Variants in CCDC192 observed in about 807,000 individuals in gnomAD.
The protein encoded by CCDC192 is coiled-coil domain-containing protein 192.
chr5:127,760,143 A>T (rs1754829734), intron 3 of CCDC192, among the ~76,000 whole-genome samples: 1 of 152,136 alleles, frequency 6.6e-6, no homozygotes, highest in Non-Finnish European at 1.5e-5. Flanking sequence ...AATAAAAATT[A>T]TAAATTTTAT....
chr5:127,709,118 A>AGAGG (rs1554067163), intron 2 of CCDC192, among the ~76,000 whole-genome samples: 9 of 126,002 alleles, frequency 7.1e-5, no homozygotes, highest in Non-Finnish European at 1.3e-4. Flanking sequence ...AGAGAGAGAG[A>AGAGG]GAGAGGGAGA....
intron 2 of CCDC192, among the ~76,000 whole-genome samples, chr5:127,735,870 G>T (rs942523406): frequency 3.6e-5 from 5 of 137,768 alleles, no homozygotes; most frequent in African/African-American, 1.5e-4. Context: ...CATGTCTTCT[G>T]CAAAGAGGGA....
At chr5:127,771,284 G>A (rs1349021823) in intron 3 of CCDC192, among the ~76,000 whole-genome samples, 1 of 152,180 alleles carries the variant, frequency 6.6e-6, no homozygotes, top group Non-Finnish European at 1.5e-5. Context: ...GACCTTGTTT[G>A]AGTTTGTGGA....
chr5:127,905,197 G>A (rs1207468683), intron 6 of CCDC192, among the ~76,000 whole-genome samples: 1 of 152,142 alleles, frequency 6.6e-6, no homozygotes, highest in Non-Finnish European at 1.5e-5. Flanking sequence ...CTATCCTGAT[G>A]AGTTAGAATA....
At chr5:127,865,957 T>C (rs1751591179) in intron 5 of CCDC192, among the ~76,000 whole-genome samples, 1 of 152,172 alleles carries the variant, frequency 6.6e-6, no homozygotes, top group South Asian at 2.1e-4. Flanking sequence ...CTGTCCCCTC[T>C]GAGCTTTTTT....
At chr5:127,812,670 G>C (rs547904293) in intron 5 of CCDC192, among the ~76,000 whole-genome samples, 18 of 152,308 alleles carry the variant, frequency 1.2e-4, no homozygotes, top group Non-Finnish European at 2.2e-4. Context: ...TGCACGAGGA[G>C]AGCATGTAGG....
chr5:127,728,397 T>C (rs1752454852), intron 2 of CCDC192, among the ~76,000 whole-genome samples: 3 of 152,192 alleles, frequency 2.0e-5, no homozygotes, highest in Admixed American at 6.5e-5. Flanking sequence ...ATATTCAACA[T>C]TCTAAAAGAA....
At chr5:127,842,871 G>A (rs1170796933) in intron 5 of CCDC192, among the ~76,000 whole-genome samples, 5 of 152,092 alleles carry the variant, frequency 3.3e-5, no homozygotes, top group Non-Finnish European at 5.9e-5. Context: ...TGGAAATAGA[G>A]ACTGTCACAA....
intron 3 of CCDC192, among the ~76,000 whole-genome samples, chr5:127,761,166 T>A (rs1430085898): frequency 6.6e-6 from 1 of 152,230 alleles, no homozygotes; most frequent in African/African-American, 2.4e-5. Context: ...AAGCCAGGTT[T>A]AGTTTCTTTG....
chr5:127,876,956 C>T (rs1752107774), intron 6 of CCDC192, among the ~76,000 whole-genome samples: 1 of 152,230 alleles, frequency 6.6e-6, no homozygotes, highest in Non-Finnish European at 1.5e-5. Flanking sequence ...CACCATGAAA[C>T]CTAAAAGAAT....
intron 3 of CCDC192, among the ~76,000 whole-genome samples, chr5:127,754,587 C>T (rs1490605347): frequency 6.6e-6 from 1 of 151,784 alleles, no homozygotes; most frequent in Non-Finnish European, 1.5e-5. Context: ...TTACTTTAGT[C>T]TGTATGGACC....
At chr5:127,768,217 A>G (rs1432857583) in intron 3 of CCDC192, among the ~76,000 whole-genome samples, 2 of 152,214 alleles carry the variant, frequency 1.3e-5, no homozygotes, top group African/African-American at 2.4e-5. Flanking sequence ...CCACCACTGC[A>G]CTCCAGCCTG....
At chr5:127,895,168 C>G (rs1378440546) in intron 6 of CCDC192, among the ~76,000 whole-genome samples, 2 of 152,172 alleles carry the variant, frequency 1.3e-5, no homozygotes, top group Non-Finnish European at 2.9e-5. Context: ...CTTCTTCTAA[C>G]AGTGGGTCTG....
At chr5:127,722,319 T>C (rs961405976) in intron 2 of CCDC192, among the ~76,000 whole-genome samples, 4 of 152,110 alleles carry the variant, frequency 2.6e-5, no homozygotes, top group Non-Finnish European at 5.9e-5. Context: ...TACTTTTTTT[T>C]TTTTACTATT....
At chr5:127,771,396 A>G (rs1328896812) in intron 3 of CCDC192, among the ~76,000 whole-genome samples, 1 of 152,240 alleles carries the variant, frequency 6.6e-6, no homozygotes, top group Non-Finnish European at 1.5e-5. Context: ...AAAAATGACA[A>G]CAGTATGAGG....
intron 5 of CCDC192, among the ~76,000 whole-genome samples, chr5:127,870,106 G>A (rs1048025350): frequency 3.9e-5 from 6 of 152,188 alleles, no homozygotes; most frequent in Non-Finnish European, 8.8e-5. Context: ...GCATTTGTAA[G>A]AAAGGTTCTT....
intron 5 of CCDC192, among the ~76,000 whole-genome samples, chr5:127,857,203 C>T (rs897815883): frequency 6.6e-6 from 1 of 152,202 alleles, no homozygotes; most frequent in Non-Finnish European, 1.5e-5. Flanking sequence ...CACTTTTACC[C>T]ACCTTACATC....
At chr5:127,779,939 C>T (rs566688248) in intron 3 of CCDC192, among the ~76,000 whole-genome samples, 1 of 152,032 alleles carries the variant, frequency 6.6e-6, no homozygotes, top group Admixed American at 6.6e-5. Context: ...TATACTTTTG[C>T]ATCCTCATAG....
chr5:127,935,871 G>A (rs1319526235), intron 6 of CCDC192, among the ~76,000 whole-genome samples: 6 of 152,128 alleles, frequency 3.9e-5, no homozygotes, highest in African/African-American at 7.2e-5. Flanking sequence ...TTGGGAGGCC[G>A]AGGCAGGTGG....
Sources: allele counts gnomAD v4.1 joint callset (sites outside exome capture counted in the v4.1 genomes callset), GRCh38; gene constraint gnomAD v4.1.1; transcripts MANE v1.5; gene names NCBI Gene and HGNC (gene_info 2026-07-23, HGNC 2026-07-21).